The following CTNNAL1 variants were observed in gnomAD, a reference collection of about 807,000 sequenced individuals.
The protein encoded by CTNNAL1 is alpha-catulin.
A neutral mutation model predicts 93.6 loss-of-function variants in CTNNAL1; 69 were observed. That is an observed-to-expected ratio of 0.74 (90% CI 0.61 to 0.90). The LOEUF (loss-of-function observed/expected upper bound fraction) is 0.90, where lower values mean the gene tolerates loss of function less well. CTNNAL1 is among the 40% of genes least tolerant of loss of function. The probability of loss-of-function intolerance (pLI) is 0.00; values close to 1 mark genes in which losing one functional copy is unlikely to be tolerated. For missense variants in CTNNAL1, 836 were observed against 862.0 expected (o/e 0.97, Z 0.38); for synonymous variants, 286 against 305.4 (o/e 0.94, Z 0.66).
chr9:108,988,994 G>A (rs1470485534), intron 4 of CTNNAL1, among the ~76,000 whole-genome samples: 2 of 152,180 alleles, frequency 1.3e-5, no homozygotes, highest in East Asian at 1.9e-4. Flanking sequence ...AAACACAGAT[G>A]ATAAAAAGGC....
chr9:109,012,740 G>C (rs1057299716), intron 1 of CTNNAL1, among the ~76,000 whole-genome samples: 1 of 152,184 alleles, frequency 6.6e-6, no homozygotes, highest in East Asian at 1.9e-4. Flanking sequence ...GGGTAGGGTG[G>C]CCGGGATGAA....
rs1203279286 is a variant in CTNNAL1 at position 108,943,022 on chromosome 9, G to A, written c.2078C>T (p.Thr693Ile). 1 of 1,612,352 alleles carries A rather than the reference G, an allele frequency of 6.2e-7. No homozygotes were observed. The highest frequency in any genetic ancestry group is 8.5e-7 in the Non-Finnish European group (1 of 1,179,642). The change falls in exon 18 of 19, where the codon ACA becomes ATA. Residue 693 changes from threonine to isoleucine, a missense_variant. Thr to Ile is a moderately conservative substitution (Grantham distance 89). Transcript: ENST00000325551. ...GACTAAGAGAGCCATCATGGATCTT[G>A]TCTTCGTAATACACTTGTCAACCTA... ...FLKVDKCITK[T>I]RSMMALLVQL...
Position 108,984,425 on chromosome 9 carries a change from A to G in CTNNAL1, c.651T>C (p.Asp217=), listed in dbSNP as rs184739082. The change falls in exon 5 of 19, where the codon GAT becomes GAC. Residue 217 remains aspartate (D), a synonymous_variant. Coordinates refer to ENST00000325551, the MANE Select transcript of CTNNAL1 (RefSeq NM_003798.4). ...CTGCCATTTTTGCCTTTTTCTTTTC[A>G]TCTTTCAAATCCTAAATATGAAATA... ...LSGDRQNDLK[D]EKKKAKMAAA... is the part of the protein sequence containing the mutation. The G allele has an allele frequency of 1.3e-6, 2 of 1,596,858 alleles. No individual in the cohort carries two copies. Among genetic ancestry groups the G allele is most frequent in the African/African-American group, 1.3e-5 (1 of 74,696 alleles).
At chr9:108,959,677 A>T (rs555996422) in intron 11 of CTNNAL1, among the ~76,000 whole-genome samples, 1 of 152,318 alleles carries the variant, frequency 6.6e-6, no homozygotes, top group Non-Finnish European at 1.5e-5. Flanking sequence ...ATAAACATTA[A>T]AAATAGTTGG....
chr9:109,010,445 G>C (rs1346436841), intron 1 of CTNNAL1, among the ~76,000 whole-genome samples: 2 of 152,206 alleles, frequency 1.3e-5, no homozygotes, highest in Admixed American at 1.3e-4. Flanking sequence ...AGCATAGCAG[G>C]CACCCCACTC....
intron 11 of CTNNAL1, among the ~76,000 whole-genome samples, chr9:108,963,819 T>C (rs902102201): frequency 4.6e-5 from 7 of 152,186 alleles, no homozygotes; most frequent in African/African-American, 1.7e-4. Context: ...GAAAGTACAC[T>C]AACTTCAGGT....
intron 11 of CTNNAL1, among the ~76,000 whole-genome samples, chr9:108,959,620 T>C (rs958012422): frequency 1.3e-5 from 2 of 152,108 alleles, no homozygotes; most frequent in African/African-American, 4.8e-5. Context: ...TAAATTATGT[T>C]TAGCTGTTAT....
intron 14 of CTNNAL1, among the ~76,000 whole-genome samples, chr9:108,948,857 G>A (rs1830477680): frequency 6.6e-6 from 1 of 151,880 alleles, no homozygotes; most frequent in Non-Finnish European, 1.5e-5. Context: ...AATGGACTAG[G>A]GATAAGTCAG....
intron 4 of CTNNAL1, 102 bp downstream of exon 4, chr9:108,990,624 A>G (rs1465818970): frequency 7.1e-7 from 1 of 1,404,520 alleles, no homozygotes; most frequent in Non-Finnish European, 9.5e-7. Flanking sequence ...TATAGACTTA[A>G]TAAGCAAAGA....
intron 1 of CTNNAL1, among the ~76,000 whole-genome samples, chr9:109,004,186 C>T (rs1037805182): frequency 1.3e-5 from 2 of 152,110 alleles, no homozygotes; most frequent in African/African-American, 4.8e-5. Context: ...CTCAAAGGTG[C>T]TTATTTAAGG....
At chr9:109,002,679 G>A (rs571185601) in intron 1 of CTNNAL1, among the ~76,000 whole-genome samples, 1 of 152,206 alleles carries the variant, frequency 6.6e-6, no homozygotes, top group Admixed American at 6.5e-5. Context: ...AGAACTTGCT[G>A]GTTTTAAAAA....
At chr9:109,007,122 C>A (rs1040927889) in intron 1 of CTNNAL1, among the ~76,000 whole-genome samples, 1 of 151,962 alleles carries the variant, frequency 6.6e-6, no homozygotes, top group African/African-American at 2.4e-5. Flanking sequence ...GTAATCCCAA[C>A]TACTTGGGAG....
chr9:108,955,360 C>T (rs1830665964), intron 12 of CTNNAL1, among the ~76,000 whole-genome samples: 1 of 152,186 alleles, frequency 6.6e-6, no homozygotes, highest in South Asian at 2.1e-4. Flanking sequence ...CTCTGTATCT[C>T]TTTCCCATAA....
chr9:108,993,171 C>T (rs185903525), intron 2 of CTNNAL1, among the ~76,000 whole-genome samples: 160 of 152,270 alleles, frequency 1.1e-3, no homozygotes, highest in Non-Finnish European at 1.2e-3. Context: ...TACCCTAAAA[C>T]CCGAGCAGTA....
At chr9:108,966,018 C>T (rs1830942203) in intron 10 of CTNNAL1, among the ~76,000 whole-genome samples, 1 of 152,160 alleles carries the variant, frequency 6.6e-6, no homozygotes, top group Non-Finnish European at 1.5e-5. Flanking sequence ...GTTTGAGATA[C>T]ATTAATACAT....
intron 6 of CTNNAL1, among the ~76,000 whole-genome samples, chr9:108,981,801 T>A (rs1413829800): frequency 6.6e-6 from 1 of 152,180 alleles, no homozygotes; most frequent in South Asian, 2.1e-4. Flanking sequence ...GGTGGGTGCC[T>A]GTAATCCAAG....
rs142466437 is a variant in CTNNAL1, at chr9:108,979,399, C to A, written c.983G>T (p.Arg328Leu). ...LSVTLEVILE[R>L]MEDFTDSAYT... ...GGCAGAATCAGTAAAGTCCTCCATA[C>A]GCTCCAAGATGACTTCCAATGTCAC... The change falls in exon 7 of 19, where the codon CGT (arginine) becomes CTT (leucine). Residue 328 changes from arginine to leucine, a missense_variant. Physicochemically the swap from Arg to Leu is moderately radical, Grantham distance 102 (BLOSUM62 -2). Transcript: ENST00000325551. 6.2e-6 allele frequency: 10 copies of A among 1,613,976 alleles called. No individual in the cohort carries two copies. The African/African-American group carries it at 9.3e-5, about 15-fold the overall frequency.
chr9:109,001,523 A>G (rs1826828469), intron 1 of CTNNAL1, among the ~76,000 whole-genome samples: 1 of 152,236 alleles, frequency 6.6e-6, no homozygotes, highest in Non-Finnish European at 1.5e-5. Flanking sequence ...AGTAGGTCAT[A>G]GAACACATAG....
At chr9:108,976,465 C>G (rs1041060096) in intron 8 of CTNNAL1, among the ~76,000 whole-genome samples, 1 of 152,002 alleles carries the variant, frequency 6.6e-6, no homozygotes, top group Non-Finnish European at 1.5e-5. Flanking sequence ...AATTCATGTG[C>G]AAGCTTTGAG....
Sources: gnomAD v4.1 joint callset for allele counts (sites outside exome capture counted in the v4.1 genomes callset) on GRCh38, gnomAD v4.1.1 for gene constraint, MANE v1.5 for transcripts, NCBI Gene and HGNC (gene_info 2026-07-23, HGNC 2026-07-21) for gene names.